TANC1: variants seen among roughly 807,000 people sequenced by gnomAD.
TANC1 encodes the protein tetratricopeptide repeat, ankyrin repeat and coiled-coil containing 1, also known as protein TANC1.
TANC1 carries 77 observed loss-of-function variants against 149.7 expected under a neutral mutation model. The ratio of observed to expected loss-of-function variants is 0.51; its 90% CI spans 0.43 to 0.62. The LOEUF is 0.62. Among genes scored for constraint, TANC1 ranks in the 20% least tolerant of loss-of-function variants. The pLI is 0.00. For synonymous variants in TANC1, 854 were observed against 925.0 expected (o/e 0.92, Z 1.39); for missense variants, 1,985 against 2,321.8 (o/e 0.85, Z 2.98).
Position 159,103,763 on chromosome 2 carries a change from G to C in TANC1, c.259+5929G>C, listed in dbSNP as rs532445667. Among the ~76,000 whole-genome samples, 2 of 96,586 alleles carry C rather than the reference G, an allele frequency of 2.1e-5. 1 individual carries two copies. The highest frequency in any genetic ancestry group is 4.7e-4 in the East Asian group (2 of 4,296). 63.4% of individuals were successfully genotyped at this position (96,586 alleles called of 152,430 possible). A position where few individuals can be genotyped will look rare whatever the true frequency, so the allele number is the denominator to read the frequency against. On this transcript the variant is annotated intron_variant, in intron 4 of 26. Coordinates refer to ENST00000263635, the MANE Select transcript of TANC1 (RefSeq NM_033394.3). ...AAGCAAAGACCCCTTGGTCATTAGG[G>C]AACTTGTCCAAAATTCATACAAGTT... is the stretch of plus-strand genomic sequence containing the variant.
rs767518785 is a variant in TANC1 at position 159,175,113 on chromosome 2, G to A, written c.1664G>A (p.Arg555Gln). 8 of 1,614,048 alleles carry A rather than the reference G, an allele frequency of 5.0e-6. No individual in the cohort carries two copies. Among genetic ancestry groups the A allele is most frequent in the East Asian group, 2.2e-5 (1 of 44,890 alleles). ...EPQLQSMLSLRSCVQDPVAAF... is the reference protein window; with the variant it reads ...EPQLQSMLSLQSCVQDPVAAF... ...CAACTACAGAGCATGCTGAGCCTCC[G>A]ATCCTGTGTGCAGGACCCGGTGGCA... The change falls in exon 12 of 27, where the codon CGA becomes CAA. Residue 555 changes from arginine to glutamine, a missense_variant. Transcript: ENST00000263635.
intron 2 of TANC1, among the ~76,000 whole-genome samples, chr2:159,052,521 C>T (rs2041551071): frequency 6.6e-6 from 1 of 152,146 alleles, no homozygotes; most frequent in Non-Finnish European, 1.5e-5. Context: ...TCTTGGACTT[C>T]CCAGCTTCCA....
At chr2:159,038,968 T>C (rs2040413583) in intron 2 of TANC1, among the ~76,000 whole-genome samples, 1 of 152,204 alleles carries the variant, frequency 6.6e-6, no homozygotes, top group South Asian at 2.1e-4. Context: ...TGACTGTGAA[T>C]CCGTCTGGTC....
At chr2:159,172,370 A>T in intron 11 of TANC1, 98 bp downstream of exon 11, 1 of 1,078,942 alleles carries the variant, frequency 9.3e-7, no homozygotes, top group Non-Finnish European at 1.3e-6. Flanking sequence ...AACAGAGACA[A>T]CTGCTTAATG....
In TANC1 at chr2:159,163,540, G is replaced by T. The variant is rs752744157; in HGVS notation, c.940G>T (p.Val314Phe). 6.2e-7 allele frequency: 1 copy of T among 1,611,636 alleles called. No homozygotes were observed. The highest frequency in any genetic ancestry group is 8.5e-7 in the Non-Finnish European group (1 of 1,179,316). The change falls in exon 8 of 27, where the codon GTT (valine) becomes TTT (phenylalanine). Residue 314 changes from valine (V) to phenylalanine (F), a missense_variant. Transcript: ENST00000263635. ...ACTAATAATGCCACGGCCCAACTCA[G>T]TTGCAGGTAAGGCCACACCTTTCCC... ...SSLIMPRPNS[V>F]AATSSTKLED...
intron 1 of TANC1, among the ~76,000 whole-genome samples, chr2:158,996,601 T>C (rs1403875004): frequency 7.2e-5 from 11 of 152,256 alleles, no homozygotes; most frequent in Admixed American, 7.2e-4. Flanking sequence ...TAAATAACAC[T>C]GCAGTGAACA....
At chr2:159,016,912 C>A (rs2038338669) in intron 2 of TANC1, among the ~76,000 whole-genome samples, 1 of 152,146 alleles carries the variant, frequency 6.6e-6, no homozygotes, top group African/African-American at 2.4e-5. Context: ...AATATCTACT[C>A]CTCTTCTTAT....
intron 12 of TANC1, 77 bp downstream of exon 12, chr2:159,175,261 G>A (rs2055718136): frequency 3.3e-6 from 4 of 1,225,518 alleles, no homozygotes; most frequent in Non-Finnish European, 4.7e-6. Context: ...AAGGCAGGTG[G>A]TCAGCCGGGC....
At chr2:159,008,995 G>A (rs2037497103) in intron 2 of TANC1, among the ~76,000 whole-genome samples, 1 of 152,000 alleles carries the variant, frequency 6.6e-6, no homozygotes. Flanking sequence ...GTTTCCTATT[G>A]ATCTTGGGGA....
At chr2:159,193,870 A>T (rs2057655985) in intron 16 of TANC1, among the ~76,000 whole-genome samples, 1 of 151,666 alleles carries the variant, frequency 6.6e-6, no homozygotes, top group South Asian at 2.1e-4. Flanking sequence ...TTTTCACATC[A>T]GGGCCTTGCT....
At chr2:159,090,912 GAGA>G (rs1011026516) in intron 3 of TANC1, among the ~76,000 whole-genome samples, 1 of 152,200 alleles carries the variant, frequency 6.6e-6, no homozygotes, top group Non-Finnish European at 1.5e-5. Flanking sequence ...GTGTGACTGA[GAGA>G]AGATTAATGA....
At chr2:159,051,833 T>C (rs2041498310) in intron 2 of TANC1, among the ~76,000 whole-genome samples, 1 of 152,302 alleles carries the variant, frequency 6.6e-6, no homozygotes, top group African/African-American at 2.4e-5. Flanking sequence ...TAGGTTATTT[T>C]ATTAGTCTAG....
chr2:159,100,540 T>C (rs2046576945), intron 4 of TANC1, among the ~76,000 whole-genome samples: 1 of 152,210 alleles, frequency 6.6e-6, no homozygotes, highest in Non-Finnish European at 1.5e-5. Context: ...ACATACAAGC[T>C]TCTGGTGGAT....
intron 3 of TANC1, among the ~76,000 whole-genome samples, chr2:159,082,371 TAAAA>T (rs5835731): frequency 1.3e-5 from 2 of 148,150 alleles, no homozygotes; most frequent in Non-Finnish European, 3.0e-5. Flanking sequence ...TTAAACTTGT[TAAAA>T]AAAAAAAAAA....
intron 4 of TANC1, among the ~76,000 whole-genome samples, chr2:159,126,561 A>G (rs2049474037): frequency 6.6e-6 from 1 of 152,254 alleles, no homozygotes. Context: ...TCTGACCCAA[A>G]GTATACTAGT....
chr2:159,125,224 G>T (rs546773488), intron 4 of TANC1, among the ~76,000 whole-genome samples: 2 of 152,112 alleles, frequency 1.3e-5, no homozygotes, highest in African/African-American at 4.8e-5. Context: ...TGCTTTATAC[G>T]CCTGGTGAGG....
intron 3 of TANC1, among the ~76,000 whole-genome samples, chr2:159,093,998 A>AT (rs2045825443): frequency 6.6e-6 from 1 of 152,254 alleles, no homozygotes. Flanking sequence ...TTGGAGAATT[A>AT]TAAGTATTTA....
chr2:159,201,382 G>A (rs774889083), intron 19 of TANC1, among the ~76,000 whole-genome samples: 2 of 152,232 alleles, frequency 1.3e-5, no homozygotes, highest in Non-Finnish European at 2.9e-5. Context: ...AATGAAGGCA[G>A]ATGAGGCATC....
At chr2:159,202,457 G>A (rs1321094813) in intron 19 of TANC1, among the ~76,000 whole-genome samples, 1 of 152,134 alleles carries the variant, frequency 6.6e-6, no homozygotes, top group Non-Finnish European at 1.5e-5. Context: ...GGCTTAACTT[G>A]TTTAAGTTTC....
Sources: allele counts gnomAD v4.1 joint callset (sites outside exome capture counted in the v4.1 genomes callset), GRCh38; gene constraint gnomAD v4.1.1; transcripts MANE v1.5; gene names NCBI Gene and HGNC (gene_info 2026-07-23, HGNC 2026-07-21).